PRIM2: variants seen among roughly 807,000 people sequenced by gnomAD.
PRIM2 encodes the protein DNA primase large subunit.
In PRIM2, 39 loss-of-function variants were observed where a neutral mutation model predicts 67.3. That is an observed-to-expected ratio of 0.58 (90% CI 0.45 to 0.76). PRIM2 has a LOEUF of 0.76. Among genes scored for constraint, PRIM2 ranks in the 30% least tolerant of loss-of-function variants. PRIM2 has a pLI of 0.00. For synonymous variants in PRIM2, 143 were observed against 198.7 expected (o/e 0.72, Z 2.36); for missense variants, 398 against 598.7 (o/e 0.66, Z 3.50).
In PRIM2 at chr6:57,382,276, A is replaced by C; in HGVS notation, c.693+108A>C. ...TAGGAAATAAGTTAATTCAGTTTTC[A>C]TAATGATATTCAGATTACATATGAT... On this transcript the variant is annotated intron_variant, in intron 7 of 13. Transcript: ENST00000615550. 6 of 1,233,498 alleles carry C rather than the reference A, an allele frequency of 4.9e-6. No individual in the cohort carries two copies. The South Asian group carries it at 6.5e-5, about 13-fold the overall frequency. 76.4% of individuals were successfully genotyped at this position (1,233,498 alleles called of 1,614,324 possible). A position where few individuals can be genotyped will look rare whatever the true frequency, so the allele number is the denominator to read the frequency against.
chr6:57,604,425 T>C (rs1168009174), intron 11 of PRIM2, among the ~76,000 whole-genome samples: 1 of 152,188 alleles, frequency 6.6e-6, no homozygotes, highest in Non-Finnish European at 1.5e-5. Context: ...AAAGATAGTT[T>C]GACTTCTTTT....
intron 10 of PRIM2, among the ~76,000 whole-genome samples, chr6:57,569,080 GTCTGTTA>G (rs1775809663): frequency 1.3e-5 from 2 of 152,178 alleles, no homozygotes; most frequent in African/African-American, 4.8e-5. Flanking sequence ...GATTATTTGG[GTCTGTTA>G]AGATTTAACT....
the PRIM2 span, among the ~76,000 whole-genome samples, chr6:57,277,341 A>G: frequency 6.6e-6 from 1 of 152,292 alleles, no homozygotes; most frequent in African/African-American, 2.4e-5. Context: ...CAAATTCTGT[A>G]TCTAGCCTGT....
chr6:57,372,631 T>A (rs529329316), intron 5 of PRIM2, among the ~76,000 whole-genome samples: 1 of 152,276 alleles, frequency 6.6e-6, no homozygotes, highest in South Asian at 2.1e-4. Flanking sequence ...AAAGGCCCAG[T>A]GTGTGTTTTT....
At chr6:57,228,912 TAGTATTTGAA>T in the PRIM2 span, among the ~76,000 whole-genome samples, 1 of 152,184 alleles carries the variant, frequency 6.6e-6, no homozygotes, top group Non-Finnish European at 1.5e-5. Flanking sequence ...GAAGTACTAG[TAGTATTTGAA>T]AGTTACTAGT....
At chr6:57,240,098 T>TTTTTTG in the PRIM2 span, among the ~76,000 whole-genome samples, 787 of 75,850 alleles carry the variant, frequency 0.01, 15 homozygotes, top group African/African-American at 0.035. Flanking sequence ...TCTGTTTTTT[T>TTTTTTG]TTTTTTTTTT....
At chr6:57,436,274 A>G (rs1249303690) in intron 7 of PRIM2, among the ~76,000 whole-genome samples, 2 of 152,202 alleles carry the variant, frequency 1.3e-5, no homozygotes, top group Non-Finnish European at 2.9e-5. Flanking sequence ...AGAGGATTTC[A>G]GTGAGTAAAG....
the PRIM2 span, among the ~76,000 whole-genome samples, chr6:57,241,967 C>T: frequency 7.9e-5 from 12 of 152,180 alleles, no homozygotes; most frequent in Admixed American, 3.3e-4. Context: ...CCACTGTGCC[C>T]GGCCAGAACC....
intron 7 of PRIM2, among the ~76,000 whole-genome samples, chr6:57,418,382 G>GGGTTTTTTTTTTTTTTT (rs1771343346): frequency 6.5e-5 from 2 of 30,596 alleles, no homozygotes; most frequent in African/African-American, 3.2e-4. Flanking sequence ...CTATGTGTGT[G>GGGTTTTTTTTTTTTTTT]GTTTTTTTTT....
At chr6:57,378,265 C>T (rs1386965853) in intron 5 of PRIM2, among the ~76,000 whole-genome samples, 29 of 151,592 alleles carry the variant, frequency 1.9e-4, no homozygotes, top group African/African-American at 3.6e-4. Flanking sequence ...GGGGTCTCAC[C>T]GTGTTGCCCA....
rs771025820 is a variant in PRIM2 at position 57,382,179 on chromosome 6, T to C, written c.693+11T>C. 3 of 1,611,678 alleles carry C rather than the reference T, an allele frequency of 1.9e-6. No homozygotes were observed. In the Admixed American group the frequency reaches 5.0e-5, roughly 27 times the overall value. On this transcript the variant is annotated intron_variant, in intron 7 of 13. Transcript: ENST00000615550. ...TCCAAGGCTTTGGCAGTGAGTATTT[T>C]ACTTGATTTCTGTATCTGACATGTT...
intron 13 of PRIM2, among the ~76,000 whole-genome samples, chr6:57,636,715 TA>T (rs1242051109): frequency 6.6e-6 from 1 of 151,912 alleles, no homozygotes; most frequent in Non-Finnish European, 1.5e-5. Flanking sequence ...TAGTGGTTAA[TA>T]AAAAAAGATT....
rs981887884 is a variant in PRIM2 at position 57,373,946 on chromosome 6, T to C, written c.460-5955T>C. ...TTATTTGGGCTCCTTTTTGGTTCCA[T>C]ATGAATTTTAAAATAGTTTTAAAAA... is the stretch of plus-strand genomic sequence containing the variant. On this transcript the variant is annotated intron_variant, in intron 5 of 13. Transcript: ENST00000615550. 2.0e-4 allele frequency among the ~76,000 whole-genome samples: 30 copies of C among 152,118 alleles called. 1 individual carries two copies. Among genetic ancestry groups the C allele is most frequent in the Non-Finnish European group, 1.5e-5 (1 of 68,026 alleles).
chr6:57,292,442 A>C, the PRIM2 span, among the ~76,000 whole-genome samples: 1 of 152,194 alleles, frequency 6.6e-6, no homozygotes, highest in South Asian at 2.1e-4. Context: ...TATAGATTCA[A>C]TGCCATCCCC....
chr6:57,322,449 T>C (rs140083124), intron 3 of PRIM2, among the ~76,000 whole-genome samples: 1 of 152,112 alleles, frequency 6.6e-6, no homozygotes, highest in Non-Finnish European at 1.5e-5. Context: ...TGGGAGGTAA[T>C]TGAATCATGG....
chr6:57,465,539 T>C (rs1404957016), intron 7 of PRIM2, among the ~76,000 whole-genome samples: 1 of 152,176 alleles, frequency 6.6e-6, no homozygotes, highest in East Asian at 1.9e-4. Flanking sequence ...CAAAAGGCAG[T>C]ATAAAGCATG....
rs1284251860 is a variant in PRIM2 at position 57,619,385 on chromosome 6, AG to A, written c.1231-12747del. 1.0e-2 allele frequency among the ~76,000 whole-genome samples: 1,516 copies of A among 152,290 alleles called. 8 individuals are homozygous for A. The highest frequency in any genetic ancestry group is 0.016 in the Non-Finnish European group (1,101 of 68,038). On this transcript the variant is annotated intron_variant, in intron 12 of 13. Coordinates refer to ENST00000615550, the MANE Select transcript of PRIM2 (RefSeq NM_000947.5). ...ATCAACACCCCCTAAAAATCATACT[AG>A]TTCACCAGCAATCGATCCAAACCAA...
the PRIM2 span, among the ~76,000 whole-genome samples, chr6:57,300,130 G>C: frequency 1.3e-5 from 2 of 152,228 alleles, no homozygotes; most frequent in East Asian, 1.9e-4. Flanking sequence ...CAATATGGGA[G>C]GGACAAGTGT....
At chr6:57,501,031 T>G (rs1321711041) in intron 7 of PRIM2, among the ~76,000 whole-genome samples, 43 of 152,302 alleles carry the variant, frequency 2.8e-4, no homozygotes, top group African/African-American at 1.0e-3. Flanking sequence ...CTGTCCCTAG[T>G]CTCCTTTCCT....
Sources: gnomAD v4.1 joint callset for allele counts (sites outside exome capture counted in the v4.1 genomes callset) on GRCh38, gnomAD v4.1.1 for gene constraint, MANE v1.5 for transcripts, NCBI Gene and HGNC (gene_info 2026-07-23, HGNC 2026-07-21) for gene names.